NRIP1: variants seen among roughly 807,000 people sequenced by gnomAD.
The protein encoded by NRIP1 is nuclear receptor-interacting protein 1.
In NRIP1, 28 loss-of-function variants were observed where a neutral mutation model predicts 75.0. The observed-to-expected ratio is 0.37, with a 90% CI of 0.28 to 0.51. NRIP1 has a LOEUF of 0.51. NRIP1 is among the 20% of genes least tolerant of loss of function. NRIP1 has a pLI of 0.92. For missense variants in NRIP1, 1,435 were observed against 1,343.7 expected (o/e 1.07, Z -1.06); for synonymous variants, 526 against 487.6 (o/e 1.08, Z -1.04).
chr21:15,012,382 C>G (rs544875011), intron 3 of NRIP1, among the ~76,000 whole-genome samples: 1 of 150,246 alleles, frequency 6.7e-6, no homozygotes, highest in Non-Finnish European at 1.5e-5. Flanking sequence ...TATAGAAAAT[C>G]ACTATCAGTA....
chr21:15,040,325 A>G (rs2147309701), intron 2 of NRIP1, among the ~76,000 whole-genome samples: 1 of 152,242 alleles, frequency 6.6e-6, no homozygotes, highest in East Asian at 1.9e-4. Context: ...TTTTAACCAT[A>G]GCTACTAGAA....
chr21:15,051,222 G>A, intron 1 of NRIP1: 1 of 245,112 alleles, frequency 4.1e-6, no homozygotes, highest in Non-Finnish European at 8.2e-6. Context: ...GCCCCTCCTG[G>A]GTCTCCTTTT....
intron 2 of NRIP1, among the ~76,000 whole-genome samples, chr21:15,020,580 T>G (rs1011813624): frequency 3.9e-5 from 6 of 152,022 alleles, no homozygotes; most frequent in African/African-American, 1.5e-4. Context: ...TTAAAAAAAT[T>G]AAAAATGGAA....
At chr21:14,993,677 T>C (rs1191505333) in intron 3 of NRIP1, among the ~76,000 whole-genome samples, 2 of 151,936 alleles carry the variant, frequency 1.3e-5, no homozygotes, top group African/African-American at 4.8e-5. Context: ...CCCAGCTTCT[T>C]GGGAGGCTGA....
At chr21:15,031,317 ATG>A (rs1568994047) in intron 2 of NRIP1, among the ~76,000 whole-genome samples, 3 of 141,092 alleles carry the variant, frequency 2.1e-5, no homozygotes, top group East Asian at 5.2e-4. Flanking sequence ...TTCCCTTTCT[ATG>A]TGTATACACT....
chr21:15,017,531 A>G (rs1489005539), intron 2 of NRIP1, among the ~76,000 whole-genome samples: 1 of 152,180 alleles, frequency 6.6e-6, no homozygotes, highest in Non-Finnish European at 1.5e-5. Flanking sequence ...TTTTACAGAT[A>G]TAATCTTAAA....
chr21:15,050,501 G>A (rs917717789), intron 1 of NRIP1: 13 of 321,386 alleles, frequency 4.0e-5, no homozygotes, highest in South Asian at 2.5e-4. Context: ...TAACCAAAAC[G>A]TAGTATTTGT....
At chr21:15,030,135 C>G (rs1438412355) in intron 2 of NRIP1, among the ~76,000 whole-genome samples, 1 of 152,170 alleles carries the variant, frequency 6.6e-6, no homozygotes, top group African/African-American at 2.4e-5. Context: ...GGGAAAATAG[C>G]CATCTTTCAA....
At chr21:15,041,687 T>C (rs1328612947) in intron 2 of NRIP1, among the ~76,000 whole-genome samples, 1 of 152,158 alleles carries the variant, frequency 6.6e-6, no homozygotes, top group East Asian at 1.9e-4. Context: ...TGAGATATGA[T>C]AACCTTTCAT....
intron 3 of NRIP1, among the ~76,000 whole-genome samples, chr21:14,986,008 TTTA>T (rs1162524557): frequency 2.0e-5 from 3 of 152,200 alleles, no homozygotes; most frequent in Non-Finnish European, 4.4e-5. Context: ...TTTTTATTTA[TTTA>T]TTTTTTTACA....
intron 1 of NRIP1, among the ~76,000 whole-genome samples, chr21:15,057,562 C>A (rs191004097): frequency 3.4e-4 from 52 of 152,182 alleles, no homozygotes; most frequent in Non-Finnish European, 7.1e-4. Context: ...AGAGCCTGGT[C>A]TTGGAGAATC....
intron 3 of NRIP1, among the ~76,000 whole-genome samples, chr21:14,974,982 T>G (rs1197344448): frequency 6.6e-6 from 1 of 152,008 alleles, no homozygotes; most frequent in Non-Finnish European, 1.5e-5. Context: ...TGTGATGTTA[T>G]CAGCCTGCAG....
At chr21:15,058,003 CTCT>C (rs1288262187) in intron 1 of NRIP1, among the ~76,000 whole-genome samples, 3 of 152,174 alleles carry the variant, frequency 2.0e-5, no homozygotes, top group South Asian at 2.1e-4. Context: ...ACCCAATCAT[CTCT>C]TCTTCTTTTA....
intron 3 of NRIP1, among the ~76,000 whole-genome samples, chr21:14,980,398 T>C (rs1408081793): frequency 6.6e-6 from 1 of 151,904 alleles, no homozygotes; most frequent in Non-Finnish European, 1.5e-5. Context: ...CGCTTAAACC[T>C]GGAAGGCGGA....
intron 3 of NRIP1, among the ~76,000 whole-genome samples, chr21:14,990,664 A>C (rs2087544469): frequency 6.6e-6 from 1 of 152,212 alleles, no homozygotes; most frequent in Admixed American, 6.5e-5. Context: ...ACAGACATGG[A>C]AAATGAATTC....
chr21:14,961,734 C>T lies in NRIP1; in HGVS notation c.*2982G>A, dbSNP rs1473759296. On this transcript the variant is annotated 3_prime_UTR_variant, in exon 4 of 4. Coordinates refer to ENST00000318948, the MANE Select transcript of NRIP1 (RefSeq NM_003489.4). ...ACAGATGCACAGGGTCCCCCATGCA[C>T]TTTTCATGCAGCAGGTAATCACAAC... 6.6e-6 allele frequency: 1 copy of T among 152,280 alleles called. No homozygotes were observed. Among genetic ancestry groups the T allele is most frequent in the East Asian group, 1.9e-4 (1 of 5,200 alleles). 9.4% of individuals were successfully genotyped at this position (152,280 alleles called of 1,614,324 possible). A position where few individuals can be genotyped will look rare whatever the true frequency, so the allele number is the denominator to read the frequency against.
At chr21:15,000,031 A>T (rs1387925381) in intron 3 of NRIP1, among the ~76,000 whole-genome samples, 1 of 152,252 alleles carries the variant, frequency 6.6e-6, no homozygotes, top group Non-Finnish European at 1.5e-5. Context: ...AAATTCAACA[A>T]CACAGTAGAT....
intron 3 of NRIP1, chr21:14,992,240 G>A (rs1301944797): frequency 6.6e-6 from 1 of 152,030 alleles, no homozygotes; most frequent in Non-Finnish European, 1.5e-5. Context: ...ATAGAGACGG[G>A]GTTTCGAAAT....
chr21:15,052,443 C>T (rs1206387198), intron 1 of NRIP1: 2 of 152,142 alleles, frequency 1.3e-5, no homozygotes, highest in African/African-American at 4.8e-5. Context: ...ATCAAAACTT[C>T]CTATCCTATC....
Sources: allele counts gnomAD v4.1 joint callset (sites outside exome capture counted in the v4.1 genomes callset), GRCh38; gene constraint gnomAD v4.1.1; transcripts MANE v1.5; gene names NCBI Gene and HGNC (gene_info 2026-07-23, HGNC 2026-07-21).